Variants in CDKL5 observed in about 807,000 individuals in gnomAD.
CDKL5 encodes cyclin dependent kinase like 5.
Under a neutral mutation model 61.7 loss-of-function variants are expected in CDKL5, and 8 were observed. That is an observed-to-expected ratio of 0.13 (90% CI 0.08 to 0.23). The LOEUF is 0.23. Among genes scored for constraint, CDKL5 ranks in the 10% least tolerant of loss-of-function variants. The pLI, the probability that CDKL5 is intolerant of heterozygous loss-of-function variation, is 1.00. For synonymous variants in CDKL5, 275 were observed against 272.3 expected, an observed-to-expected ratio of 1.01 and a Z score of -0.10; for missense variants, 440 against 734.5, an observed-to-expected ratio of 0.60 and a Z score of 4.63.
At chrX:18,443,337 A>G (rs1931796906) in intron 1 of CDKL5, among the ~76,000 whole-genome samples, 1 of 111,700 alleles carries the variant, frequency 9.0e-6, no homozygotes, top group Non-Finnish European at 1.9e-5. Context: ...TTGTGTTTTG[A>G]CAAATTTGTA....
intron 1 of CDKL5, among the ~76,000 whole-genome samples, chrX:18,489,887 C>T (rs1344787261): frequency 4.5e-5 from 5 of 110,298 alleles, no homozygotes; most frequent in Non-Finnish European, 9.5e-5. Flanking sequence ...TCTTCTCTAC[C>T]CCCAACTCTC....
At chrX:18,644,395 C>T (rs773168630), downstream of CDKL5, 4 of 1,183,035 alleles carry the variant, frequency 3.4e-6, no homozygotes, top group East Asian at 3.0e-5. Context: ...CCAGAGGGTG[C>T]GAGCTGAAGT....
intron 1 of CDKL5, among the ~76,000 whole-genome samples, chrX:18,467,233 A>G (rs150115241): frequency 1.8e-3 from 204 of 111,104 alleles, no homozygotes; most frequent in African/African-American, 6.1e-3. Context: ...TTCATTATCT[A>G]TAAGGAACAT....
chrX:18,637,631 T>G lies in CDKL5; in HGVS notation c.*8874T>G, dbSNP rs1421603244. ...GCCTGGGTGGAGTCTTGGCTCCATC[T>G]CCTACATCTCATGTGACTTGAAGCA... On this transcript the variant is annotated 3_prime_UTR_variant, in exon 18 of 18. Coordinates refer to ENST00000623535, the MANE Select transcript of CDKL5 (RefSeq NM_001323289.2). 3.6e-5 allele frequency: 4 copies of G among 111,020 alleles called. No homozygotes were observed. The highest frequency in any genetic ancestry group is 5.7e-5 in the Non-Finnish European group (3 of 53,094). 9.1% of individuals were successfully genotyped at this position (111,020 alleles called of 1,213,427 possible).
chrX:18,632,196 TCA>T lies in CDKL5; in HGVS notation c.*3442_*3443del. The T allele has an allele frequency of 4.0e-6, 3 of 752,676 alleles. No homozygotes were observed. Among genetic ancestry groups the T allele is most frequent in the Non-Finnish European group, 4.7e-6 (3 of 637,675 alleles). The allele number at this position is 752,676 out of a possible 1,213,427, so 62.0% of individuals were successfully genotyped here. On this transcript the variant is annotated 3_prime_UTR_variant, in exon 18 of 18. Coordinates refer to ENST00000623535, the MANE Select transcript of CDKL5 (RefSeq NM_001323289.2). The stretch of plus-strand genomic sequence containing the variant: ...TACTGCAGGTGTGATTTCTTCAACA[TCA>T]CATTCTCTTAAGAGTCTTCAACCAC...
chrX:18,605,032 T>G (rs377649677), intron 12 of CDKL5, among the ~76,000 whole-genome samples, 164 bp downstream of exon 12: 2 of 112,071 alleles, frequency 1.8e-5, no homozygotes, highest in African/African-American at 6.5e-5. Flanking sequence ...TGTTTTTTTG[T>G]TTTTTGTTTT....
chrX:18,452,984 C>T (rs887905867), intron 1 of CDKL5, among the ~76,000 whole-genome samples: 13 of 108,698 alleles, frequency 1.2e-4, no homozygotes, highest in Admixed American at 5.9e-4. Context: ...GCGTGCACCA[C>T]GACGCCTGGC....
Position 18,604,127 on chromosome X carries a change from C to T in CDKL5, c.1203C>T (p.Asn401=). Residue 401 remains asparagine, a synonymous_variant, in exon 12 of 18, where the codon AAC becomes AAT. Transcript: ENST00000623535. ...CCAGCAAAGATCTCACCAACAACAA[C>T]ATACCACACCTTCTTAGCCCAAAAG... The part of the protein sequence containing the change: ...GSTSKDLTNN[N]IPHLLSPKEA... 8.3e-7 allele frequency: 1 copy of T among 1,211,842 alleles called. No individual in the cohort carries two copies. The highest frequency in any genetic ancestry group is 1.1e-6 in the Non-Finnish European group (1 of 895,535).
chrX:18,443,074 A>G (rs371029800), intron 1 of CDKL5, among the ~76,000 whole-genome samples: 1 of 111,944 alleles, frequency 8.9e-6, no homozygotes, highest in East Asian at 2.8e-4. Flanking sequence ...AAAATAGTGA[A>G]TATTTACTCA....
rs150567133 is a variant in CDKL5, at chrX:18,629,793, A to T, written c.*1036A>T. 14,335 of 752,771 alleles carry T rather than the reference A, an allele frequency of 0.019. 109 individuals are homozygous for T. The highest frequency in any genetic ancestry group is 0.021 in the Non-Finnish European group (13,457 of 639,079). The allele number at this position is 752,771 out of a possible 1,213,427, so 62.0% of individuals were successfully genotyped here. A position where few individuals can be genotyped will look rare whatever the true frequency, so the allele number is the denominator to read the frequency against. ...ACTTGGCTCCTGTTTGTGTCCAGGG[A>T]CGTTACTTGCACACAGGGGAGAATA... On this transcript the variant is annotated 3_prime_UTR_variant, in exon 18 of 18. Coordinates refer to ENST00000623535, the MANE Select transcript of CDKL5 (RefSeq NM_001323289.2).
intron 1 of CDKL5, among the ~76,000 whole-genome samples, chrX:18,472,841 T>C (rs900725802): frequency 9.1e-6 from 1 of 110,326 alleles, no homozygotes; most frequent in African/African-American, 3.3e-5. Flanking sequence ...TGATAAGATA[T>C]AGAAAATGCT....
At position 18,443,520 on chromosome X, in the gene CDKL5, G is replaced by A. The variant is rs151002109; in HGVS notation, c.-163+17825G>A. Among the ~76,000 whole-genome samples, 896 of 109,247 alleles carry A rather than the reference G, an allele frequency of 8.2e-3. 3 individuals carry two copies. Among genetic ancestry groups the A allele is most frequent in the Middle Eastern group, 0.039 (8 of 203 alleles). 94.9% of individuals were successfully genotyped at this position (109,247 alleles called of 115,157 possible). Reference sequence around the variant, plus strand: ...CCTCTCACCCTTCCCCTCAGGTAGAGGGGGATAGTTAATGTTATTCTTTTG... The same window carrying A: ...CCTCTCACCCTTCCCCTCAGGTAGAAGGGGATAGTTAATGTTATTCTTTTG... On this transcript the variant is annotated intron_variant, in intron 1 of 17. Transcript: ENST00000623535.
chrX:18,649,492 A>C (rs1317879808), intron 20 of CDKL5, among the ~76,000 whole-genome samples: 4 of 111,867 alleles, frequency 3.6e-5, no homozygotes, highest in Non-Finnish European at 7.5e-5. Flanking sequence ...AGAGGCTAAA[A>C]ACAGGCCAGC....
chrX:18,484,956 G>A (rs1017980801), intron 1 of CDKL5, among the ~76,000 whole-genome samples: 4 of 110,364 alleles, frequency 3.6e-5, no homozygotes, highest in African/African-American at 1.3e-4. Flanking sequence ...CCAGGGTCTC[G>A]CCATGTTGCC....
Position 18,632,566 on chromosome X carries a change from G to A in CDKL5, c.*3809G>A. ...AATTAGAAGCAAAAAAGTCCGTATT[G>A]GTGGTTGTGATGTGGCTGTTATAGA... is the stretch of plus-strand genomic sequence containing the variant. On this transcript the variant is annotated 3_prime_UTR_variant, in exon 18 of 18. Transcript: ENST00000623535. 1 of 754,256 alleles carries A rather than the reference G, an allele frequency of 1.3e-6. No homozygotes were observed. The highest frequency in any genetic ancestry group is 1.6e-6 in the Non-Finnish European group (1 of 639,042). 62.2% of individuals were successfully genotyped at this position (754,256 alleles called of 1,213,427 possible). A position where few individuals can be genotyped will look rare whatever the true frequency, so the allele number is the denominator to read the frequency against.
At chrX:18,577,354 T>C (rs2147140902) in intron 5 of CDKL5, among the ~76,000 whole-genome samples, 1 of 111,555 alleles carries the variant, frequency 9.0e-6, no homozygotes, top group South Asian at 3.8e-4. Context: ...CCCCCGATCC[T>C]GTGGTTCTTA....
chrX:18,616,451 C>A (rs1926716100), intron 15 of CDKL5, among the ~76,000 whole-genome samples: 5 of 109,927 alleles, frequency 4.5e-5, no homozygotes, highest in African/African-American at 1.7e-4. Context: ...CATGGGAAAA[C>A]CCCGTCTCTA....
At position 18,628,595 on chromosome X, in the gene CDKL5, G is replaced by A. The variant is rs1927145713; in HGVS notation, c.2721G>A (p.Met907Ile). The A allele has an allele frequency of 8.3e-7, 1 of 1,210,384 alleles. No individual in the cohort carries two copies. The highest frequency in any genetic ancestry group is 2.2e-5 in the Admixed American group (1 of 45,879). The change falls in exon 18 of 18, where the codon ATG becomes ATA. Residue 907 changes from methionine (M) to isoleucine (I), a missense_variant. By Grantham distance (10) the Met-to-Ile change is conservative. Coordinates refer to ENST00000623535, the MANE Select transcript of CDKL5 (RefSeq NM_001323289.2). The stretch of plus-strand genomic sequence containing the variant: ...CAGCCCTCCAGCTGCCAGGTCAGAT[G>A]GATCCTGGTTGGCATGTGTCCTCTG... ...GRPALQLPGQ[M>I]DPGWHVSSVT...
rs1409798496 is a variant in CDKL5, at chrX:18,635,221, T to C, written c.*6464T>C. On this transcript the variant is annotated 3_prime_UTR_variant, in exon 18 of 18. Coordinates refer to ENST00000623535, the MANE Select transcript of CDKL5 (RefSeq NM_001323289.2). ...ATCTTATCAAGTTTTTTCTGGCATG[T>C]AATTCCATTCTAAACTTATGTAAAA... 9.4e-6 allele frequency: 7 copies of C among 745,454 alleles called. No homozygotes were observed. The highest frequency in any genetic ancestry group is 9.5e-6 in the Non-Finnish European group (6 of 633,054). The allele number at this position is 745,454 out of a possible 1,213,427, so 61.4% of individuals were successfully genotyped here. A position where few individuals can be genotyped will look rare whatever the true frequency, so the allele number is the denominator to read the frequency against.
Sources: gnomAD v4.1 joint callset for allele counts (sites outside exome capture counted in the v4.1 genomes callset) on GRCh38, gnomAD v4.1.1 for gene constraint, MANE v1.5 for transcripts, NCBI Gene and HGNC (gene_info 2026-07-23, HGNC 2026-07-21) for gene names.